The following CCDC6 variants were observed in gnomAD, a reference collection of about 807,000 sequenced individuals.
CCDC6 encodes the protein coiled-coil domain containing 6.
In CCDC6, 20 loss-of-function variants were observed where a neutral mutation model predicts 56.6. The ratio of observed to expected loss-of-function variants is 0.35; its 90% confidence interval spans 0.25 to 0.51. The LOEUF is 0.51. Ranked by LOEUF, CCDC6 falls within the 20% of genes least tolerant of loss-of-function variation. The pLI, the probability that CCDC6 is intolerant of heterozygous loss-of-function variation, is 0.95. For missense variants in CCDC6, 367 were observed against 601.1 expected (o/e 0.61, Z 4.07); for synonymous variants, 241 against 234.4 (o/e 1.03, Z -0.26).
intron 1 of CCDC6, among the ~76,000 whole-genome samples, chr10:59,853,065 AT>A (rs2071052382): frequency 9.6e-6 from 1 of 103,902 alleles, no homozygotes; most frequent in South Asian, 2.8e-4. Context: ...GTCCTGTGCT[AT>A]GGTACATCAA....
At chr10:59,904,639 T>TC (rs1394454226) in intron 1 of CCDC6, among the ~76,000 whole-genome samples, 2 of 152,142 alleles carry the variant, frequency 1.3e-5, no homozygotes, top group Non-Finnish European at 2.9e-5. Flanking sequence ...CTCTGCAAAT[T>TC]CCCCGCCCCC....
intron 5 of CCDC6, among the ~76,000 whole-genome samples, chr10:59,810,015 C>A (rs1003560077): frequency 6.6e-6 from 1 of 152,170 alleles, no homozygotes; most frequent in Non-Finnish European, 1.5e-5. Flanking sequence ...AATACCAGTG[C>A]CCAGACTATA....
At chr10:59,827,322 T>C (rs565127360) in intron 3 of CCDC6, among the ~76,000 whole-genome samples, 38 of 152,336 alleles carry the variant, frequency 2.5e-4, no homozygotes, top group African/African-American at 9.1e-4. Flanking sequence ...AGCATGTAAG[T>C]ACCGTTTTAT....
rs189004705 is a variant in CCDC6, at chr10:59,885,343, G to C, written c.303+20779C>G. ...CAAAAACACATCCTAATGAAAAACT[G>C]TAAGAGAATGGATTAAAGTACCATT... On this transcript the variant is annotated intron_variant, in intron 1 of 8. Transcript: ENST00000263102. 8.9e-4 allele frequency among the ~76,000 whole-genome samples: 135 copies of C among 152,246 alleles called. 1 individual carries two copies. The highest frequency in any genetic ancestry group is 1.8e-3 in the Admixed American group (27 of 15,302).
rs1235727046 is a variant in CCDC6, at chr10:59,906,301, C to G, written c.124G>C (p.Gly42Arg). 1 of 1,602,330 alleles carries G rather than the reference C, an allele frequency of 6.2e-7. No individual in the cohort carries two copies. The highest frequency in any genetic ancestry group is 1.3e-5 in the African/African-American group (1 of 74,818). Reference sequence around the variant, plus strand: ...ACAATGCCCCCCGACTTCCCACCGCCGCCGCCTCCCCCGCCGCCACCGCCG... The same window carrying G: ...ACAATGCCCCCCGACTTCCCACCGCGGCCGCCTCCCCCGCCGCCACCGCCG... ...GGGGGGGGGG[G>R]GGKSGGIVIS... Residue 42 changes from glycine (G) to arginine (R), a missense_variant, in exon 1 of 9, where the codon GGC becomes CGC. Physicochemically the swap from Gly to Arg is moderately radical, Grantham distance 125. Around this residue, in one of 7 missense-constraint regions of CCDC6, gnomAD observed 79 missense variants for 74.9 expected, o/e 1.05. Coordinates refer to ENST00000263102, the MANE Select transcript of CCDC6 (RefSeq NM_005436.5).
rs1305595807 is a variant in CCDC6, at chr10:59,790,843, G to A, written c.*2074C>T. The stretch of plus-strand genomic sequence containing the variant: ...TGTTTTAATTTTTGTGCTTTCAAGA[G>A]GTAACTAAATCGATAGGAAGCTGAG... On this transcript the variant is annotated 3_prime_UTR_variant, in exon 9 of 9. Transcript: ENST00000263102. The A allele has an allele frequency of 4.7e-6, 1 of 211,228 alleles. No homozygotes were observed. Among genetic ancestry groups the A allele is most frequent in the Non-Finnish European group, 9.6e-6 (1 of 104,076 alleles). The allele number at this position is 211,228 out of a possible 1,614,324, so 13.1% of individuals were successfully genotyped here.
At chr10:59,835,762 A>G (rs2070876771) in intron 2 of CCDC6, among the ~76,000 whole-genome samples, 1 of 152,188 alleles carries the variant, frequency 6.6e-6, no homozygotes, top group Non-Finnish European at 1.5e-5. Flanking sequence ...AACTGCCAAT[A>G]AAAAGAGAAA....
At chr10:59,828,240 TTTA>T (rs2070805469) in intron 3 of CCDC6, among the ~76,000 whole-genome samples, 1 of 152,008 alleles carries the variant, frequency 6.6e-6, no homozygotes, top group African/African-American at 2.4e-5. Context: ...CAAGTCAGGG[TTTA>T]TAGGCACTGG....
intron 4 of CCDC6, 82 bp downstream of exon 4, chr10:59,814,570 T>C: frequency 1.2e-6 from 1 of 824,780 alleles, no homozygotes; most frequent in African/African-American, 1.7e-5. Flanking sequence ...GGTGTCCTAC[T>C]GCTATTCCTC....
chr10:59,871,383 A>G (rs1471612599), intron 1 of CCDC6, among the ~76,000 whole-genome samples: 1 of 151,442 alleles, frequency 6.6e-6, no homozygotes, highest in Non-Finnish European at 1.5e-5. Flanking sequence ...ATACACGTAC[A>G]CACAAATCTC....
Position 59,837,746 on chromosome 10 carries a change from C to CAAAAAAAAAA in CCDC6, c.454-5103_454-5094dup, listed in dbSNP as rs397940135. Reference sequence around the variant, plus strand: ...GGGCAACAAGAGTGAGACTCTGTCTCAAAAAAAAAAAAAAAAAAAAAAAAG... The same window carrying CAAAAAAAAAA: ...GGGCAACAAGAGTGAGACTCTGTCTCAAAAAAAAAAAAAAAAAAAAAAAAAAAAAAAAAAG... On this transcript the variant is annotated intron_variant, in intron 2 of 8. Transcript: ENST00000263102. Among the ~76,000 whole-genome samples the CAAAAAAAAAA allele has an allele frequency of 1.8e-3, 87 of 49,588 alleles. 1 individual carries two copies. The highest frequency in any genetic ancestry group is 2.2e-3 in the Non-Finnish European group (55 of 25,034). The allele number at this position is 49,588 out of a possible 152,430, so 32.5% of individuals were successfully genotyped here.
intron 5 of CCDC6, among the ~76,000 whole-genome samples, chr10:59,811,942 T>C (rs1200513996): frequency 6.6e-6 from 1 of 151,560 alleles, no homozygotes; most frequent in Non-Finnish European, 1.5e-5. Context: ...TGGAAGAATA[T>C]AGTACAAATG....
At chr10:59,793,211 C>T (rs1344312824) in intron 8 of CCDC6, 100 bp from the exon 9 acceptor site, 11 of 846,270 alleles carry the variant, frequency 1.3e-5, no homozygotes, top group Non-Finnish European at 1.9e-5. Context: ...AAACACTAAC[C>T]AACAAAGACA....
intron 2 of CCDC6, among the ~76,000 whole-genome samples, chr10:59,847,976 G>A (rs1309252656): frequency 1.4e-4 from 21 of 151,956 alleles, no homozygotes; most frequent in Admixed American, 9.8e-4. Flanking sequence ...ACGTCTATGC[G>A]GGTTTTCTCC....
intron 3 of CCDC6, among the ~76,000 whole-genome samples, chr10:59,820,341 T>C (rs756698360): frequency 2.0e-5 from 3 of 152,248 alleles, no homozygotes; most frequent in Non-Finnish European, 4.4e-5. Context: ...CTTTTCAATC[T>C]GCTTTGAAAG....
intron 1 of CCDC6, among the ~76,000 whole-genome samples, chr10:59,883,825 A>C (rs988805900): frequency 4.6e-5 from 7 of 152,220 alleles, no homozygotes; most frequent in Non-Finnish European, 1.0e-4. Context: ...CTGCTTTAAG[A>C]AACTCTGTAT....
rs1256276727 is a variant in CCDC6 at position 59,789,339 on chromosome 10, G to T, written c.*3578C>A. Reference sequence around the variant, plus strand: ...GGATTTTTTCAGTTGCCTCATGAGAGGCAACCTGGGCTTGGCAGTTAATCA... The same window carrying T: ...GGATTTTTTCAGTTGCCTCATGAGATGCAACCTGGGCTTGGCAGTTAATCA... On this transcript the variant is annotated 3_prime_UTR_variant, in exon 9 of 9. Transcript: ENST00000263102. 3 of 230,886 alleles carry T rather than the reference G, an allele frequency of 1.3e-5. No homozygotes were observed. Among genetic ancestry groups the T allele is most frequent in the Non-Finnish European group, 8.6e-6 (1 of 116,746 alleles). The allele number at this position is 230,886 out of a possible 1,614,324, so 14.3% of individuals were successfully genotyped here. A position where few individuals can be genotyped will look rare whatever the true frequency, so the allele number is the denominator to read the frequency against.
At position 59,852,536 on chromosome 10, in the gene CCDC6, T is replaced by C. The variant is rs374088503; in HGVS notation, c.453+17A>G. Reference sequence around the variant, plus strand: ...AAAATAGGCAGGGAAGATGAGGGAGTAGAAAAGATAATTTACCTGCATCAA... The same window carrying C: ...AAAATAGGCAGGGAAGATGAGGGAGCAGAAAAGATAATTTACCTGCATCAA... On this transcript the variant is annotated intron_variant, in intron 2 of 8. Transcript: ENST00000263102. 4 of 1,555,540 alleles carry C rather than the reference T, an allele frequency of 2.6e-6. No individual in the cohort carries two copies. Among genetic ancestry groups the C allele is most frequent in the Non-Finnish European group, 3.5e-6 (4 of 1,156,914 alleles).
intron 1 of CCDC6, among the ~76,000 whole-genome samples, chr10:59,902,858 C>T (rs2071514739): frequency 6.6e-6 from 1 of 152,142 alleles, no homozygotes; most frequent in African/African-American, 2.4e-5. Context: ...GATATCTTTC[C>T]AGACAAAACC....
Sources: gnomAD v4.1 joint callset for allele counts (sites outside exome capture counted in the v4.1 genomes callset) on GRCh38, gnomAD v4.1.1 for gene constraint, gnomAD v4.1.1 regional missense constraint, MANE v1.5 for transcripts, NCBI Gene and HGNC (gene_info 2026-07-23, HGNC 2026-07-21) for gene names.